The following PTPRD variants were observed in gnomAD, a reference collection of about 807,000 sequenced individuals.
PTPRD encodes the protein receptor-type tyrosine-protein phosphatase delta.
Under a neutral mutation model 214.5 loss-of-function variants are expected in PTPRD, and 34 were observed. The observed-to-expected ratio is 0.16, with a 90% confidence interval of 0.12 to 0.21. PTPRD has a LOEUF of 0.21. PTPRD is among the 10% of genes least tolerant of loss of function. The pLI, the probability that PTPRD is intolerant of heterozygous loss-of-function variation, is 1.00. For missense variants in PTPRD, 2,545 were observed against 2,398.7 expected (o/e 1.06, Z -1.27); for synonymous variants, 1,128 against 845.7 (o/e 1.33, Z -5.79).
intron 11 of PTPRD, among the ~76,000 whole-genome samples, chr9:8,849,504 G>A (rs2097771763): frequency 6.6e-6 from 1 of 152,174 alleles, no homozygotes; most frequent in Non-Finnish European, 1.5e-5. Context: ...GGGATTACAG[G>A]CGTGAGCCAC....
At chr9:8,417,417 T>C (rs964214897) in intron 35 of PTPRD, among the ~76,000 whole-genome samples, 1 of 152,144 alleles carries the variant, frequency 6.6e-6, no homozygotes, top group Non-Finnish European at 1.5e-5. Context: ...GGTAGAGCTG[T>C]ATTGGCAGAA....
chr9:9,274,966 T>C (rs1166090620), intron 9 of PTPRD, among the ~76,000 whole-genome samples: 3 of 139,998 alleles, frequency 2.1e-5, no homozygotes, highest in African/African-American at 8.0e-5. Flanking sequence ...CTTTGAGAAG[T>C]CTTGCAATCT....
intron 11 of PTPRD, among the ~76,000 whole-genome samples, chr9:8,843,501 A>C (rs2097610571): frequency 6.6e-6 from 1 of 152,188 alleles, no homozygotes; most frequent in African/African-American, 2.4e-5. Context: ...AACACGGGAA[A>C]CGTTCTATGT....
chr9:8,749,667 C>G lies in PTPRD; in HGVS notation c.-103-15721G>C, dbSNP rs538434509. Among the ~76,000 whole-genome samples, 36 of 152,254 alleles carry G rather than the reference C, an allele frequency of 2.4e-4. 2 individuals are homozygous for G. The highest frequency in any genetic ancestry group is 8.7e-4 in the African/African-American group (36 of 41,530). ...ATGTCCTCATGTTATCATTGTAAAC[C>G]ATCTACATTAAAGTAGAATAACTTT... On this transcript the variant is annotated intron_variant, in intron 11 of 45. Coordinates refer to ENST00000381196, the MANE Select transcript of PTPRD (RefSeq NM_002839.4).
Position 9,603,945 on chromosome 9 carries a change from T to G in PTPRD, c.-286-29164A>C, listed in dbSNP as rs773622276. Among the ~76,000 whole-genome samples, 73 of 152,130 alleles carry G rather than the reference T, an allele frequency of 4.8e-4. 3 individuals are homozygous for G. Among genetic ancestry groups the G allele is most frequent in the Non-Finnish European group, 1.8e-4 (12 of 68,018 alleles). Reference sequence around the variant, plus strand: ...TGGTGTACAGATAATTTCTTTAACATAAATTTCAACTGACACAAAGCAAGA... The same window carrying G: ...TGGTGTACAGATAATTTCTTTAACAGAAATTTCAACTGACACAAAGCAAGA... On this transcript the variant is annotated intron_variant, in intron 7 of 45. Coordinates refer to ENST00000381196, the MANE Select transcript of PTPRD (RefSeq NM_002839.4).
Position 9,057,122 on chromosome 9 carries a change from A to T in PTPRD, c.-142-38387T>A, listed in dbSNP as rs945501923. 2.0e-5 allele frequency among the ~76,000 whole-genome samples: 3 copies of T among 152,234 alleles called. No individual in the cohort carries two copies. In the South Asian group the frequency reaches 6.2e-4, roughly 31 times the overall value. Reference sequence around the variant, plus strand: ...TATACAAACATATTAAATAGTTGGCATTATAGATAATAATCTGATTGCAGG... The same window carrying T: ...TATACAAACATATTAAATAGTTGGCTTTATAGATAATAATCTGATTGCAGG... On this transcript the variant is annotated intron_variant, in intron 10 of 45. Transcript: ENST00000381196.
chr9:8,355,138 G>A (rs1432315337), intron 39 of PTPRD, among the ~76,000 whole-genome samples: 1 of 152,102 alleles, frequency 6.6e-6, no homozygotes, highest in African/African-American at 2.4e-5. Context: ...CGGTGGTAAT[G>A]AGGGATATTG....
rs1264633364 is a variant in PTPRD at position 10,060,893 on chromosome 9, CTTCCTTCTTTCTTTCTTTCTTTCT to C, written c.-544-27127_-544-27104del. Among the ~76,000 whole-genome samples, 6 of 79,260 alleles carry C rather than the reference CTTCCTTCTTTCTTTCTTTCTTTCT, an allele frequency of 7.6e-5. 2 individuals are homozygous for C. In the African/African-American group the frequency reaches 9.6e-4, roughly 13 times the overall value. 52.0% of individuals were successfully genotyped at this position (79,260 alleles called of 152,430 possible). A position where few individuals can be genotyped will look rare whatever the true frequency, so the allele number is the denominator to read the frequency against. On this transcript the variant is annotated intron_variant, in intron 3 of 45. Transcript: ENST00000381196. ...CTTTCCTTCCTTCCTTCCTTCCTTC[CTTCCTTCTTTCTTTCTTTCTTTCT>C]TTCTTTCTTTCTTTCTTTCTTTCTT... is the stretch of plus-strand genomic sequence containing the variant.
chr9:10,442,519 G>C (rs1248328284), intron 2 of PTPRD, among the ~76,000 whole-genome samples: 1 of 151,564 alleles, frequency 6.6e-6, no homozygotes, highest in South Asian at 2.1e-4. Context: ...TAAAGCTATA[G>C]GTAGGTCAGC....
chr9:10,227,651 A>G (rs2099593337), intron 3 of PTPRD, among the ~76,000 whole-genome samples: 1 of 151,944 alleles, frequency 6.6e-6, no homozygotes, highest in Admixed American at 6.6e-5. Flanking sequence ...AATTGTTTAT[A>G]ATGTTCTGTT....
intron 2 of PTPRD, among the ~76,000 whole-genome samples, chr9:10,480,466 A>T (rs1201013427): frequency 6.6e-6 from 1 of 152,172 alleles, no homozygotes; most frequent in Non-Finnish European, 1.5e-5. Flanking sequence ...TACAAACGCT[A>T]TTTTGGTGGC....
intron 2 of PTPRD, among the ~76,000 whole-genome samples, chr9:10,493,570 C>CT (rs1012666385): frequency 6.6e-6 from 1 of 152,054 alleles, no homozygotes; most frequent in Non-Finnish European, 1.5e-5. Flanking sequence ...AACTGGACCC[C>CT]TTCCTTACAC....
chr9:9,582,173 G>A (rs188766046), intron 7 of PTPRD, among the ~76,000 whole-genome samples: 1 of 152,024 alleles, frequency 6.6e-6, no homozygotes, highest in African/African-American at 2.4e-5. Flanking sequence ...TTTTTTGCTA[G>A]GTTCATGACC....
intron 5 of PTPRD, among the ~76,000 whole-genome samples, chr9:9,908,368 G>A (rs948769024): frequency 6.6e-6 from 1 of 151,936 alleles, no homozygotes; most frequent in African/African-American, 2.4e-5. Context: ...TGGAACATGT[G>A]AACAGGTGGG....
At chr9:9,570,272 T>C (rs139284545) in intron 8 of PTPRD, among the ~76,000 whole-genome samples, 15 of 151,670 alleles carry the variant, frequency 9.9e-5, no homozygotes, top group African/African-American at 3.6e-4. Context: ...ATTGCATAAT[T>C]CAGTATTTAA....
At chr9:10,281,021 G>C (rs2154394101) in intron 3 of PTPRD, among the ~76,000 whole-genome samples, 1 of 152,224 alleles carries the variant, frequency 6.6e-6, no homozygotes, top group South Asian at 2.1e-4. Flanking sequence ...ATGTAAACCA[G>C]CACATTCATC....
intron 7 of PTPRD, among the ~76,000 whole-genome samples, chr9:9,590,197 A>G (rs959445772): frequency 4.8e-4 from 73 of 152,038 alleles, no homozygotes; most frequent in African/African-American, 1.8e-3. Flanking sequence ...TACAGCAAAT[A>G]CTGTTCTATG....
At chr9:10,231,249 G>T (rs988152815) in intron 3 of PTPRD, among the ~76,000 whole-genome samples, 1 of 151,496 alleles carries the variant, frequency 6.6e-6, no homozygotes, top group African/African-American at 2.4e-5. Flanking sequence ...ATGAAATAAT[G>T]AAAAAGAGAA....
chr9:9,943,887 C>T (rs2092105707), intron 4 of PTPRD, among the ~76,000 whole-genome samples: 1 of 152,160 alleles, frequency 6.6e-6, no homozygotes, highest in South Asian at 2.1e-4. Flanking sequence ...TCATCCCAAT[C>T]TGCAAATTGC....
Sources: gnomAD v4.1 joint callset for allele counts (sites outside exome capture counted in the v4.1 genomes callset) on GRCh38, gnomAD v4.1.1 for gene constraint, MANE v1.5 for transcripts, NCBI Gene and HGNC (gene_info 2026-07-23, HGNC 2026-07-21) for gene names.